Variants in CDH13 observed in about 807,000 individuals in gnomAD.
CDH13 encodes cadherin-13.
Under a neutral mutation model 63.8 loss-of-function variants are expected in CDH13, and 24 were observed. The ratio of observed to expected loss-of-function variants is 0.38; its 90% CI spans 0.27 to 0.53. CDH13 has a LOEUF of 0.53. Ranked by LOEUF, CDH13 falls within the 20% of genes least tolerant of loss-of-function variation. The pLI, the probability that CDH13 is intolerant of heterozygous loss-of-function variation, is 0.85. For synonymous variants in CDH13, 503 were observed against 355.3 expected (o/e 1.42, Z -4.67); for missense variants, 1,049 against 903.1 (o/e 1.16, Z -2.07).
intron 4 of CDH13, among the ~76,000 whole-genome samples, chr16:83,210,574 C>T (rs140321389): frequency 6.6e-6 from 1 of 151,980 alleles, no homozygotes; most frequent in East Asian, 1.9e-4. Flanking sequence ...GTTCTAGGCT[C>T]TGAGGACAAA....
At chr16:83,750,608 A>C (rs148186096) in intron 11 of CDH13, among the ~76,000 whole-genome samples, 1 of 152,152 alleles carries the variant, frequency 6.6e-6, no homozygotes, top group African/African-American at 2.4e-5. Context: ...TGTCTTCCTC[A>C]AAGGGGGAAT....
chr16:83,329,006 G>C (rs1246477839), intron 5 of CDH13, among the ~76,000 whole-genome samples: 1 of 152,146 alleles, frequency 6.6e-6, no homozygotes, highest in African/African-American at 2.4e-5. Flanking sequence ...CCTAACCAGG[G>C]ATAGTCTCTA....
intron 8 of CDH13, among the ~76,000 whole-genome samples, chr16:83,627,297 G>GA (rs966459142): frequency 2.0e-5 from 3 of 150,916 alleles, no homozygotes; most frequent in African/African-American, 4.9e-5. Context: ...CTCCGGGGAA[G>GA]AAAAAAAAAG....
intron 8 of CDH13, among the ~76,000 whole-genome samples, chr16:83,624,650 T>C (rs1910119444): frequency 6.6e-6 from 1 of 152,088 alleles, no homozygotes; most frequent in South Asian, 2.1e-4. Flanking sequence ...GCTGCCTGGT[T>C]CCTAATAGGC....
At chr16:82,830,148 G>A (rs1218722953) in intron 1 of CDH13, among the ~76,000 whole-genome samples, 1 of 152,076 alleles carries the variant, frequency 6.6e-6, no homozygotes, top group African/African-American at 2.4e-5. Flanking sequence ...GGCAGGGCTG[G>A]GATCCATAGC....
At chr16:83,329,752 T>G (rs1355314647) in intron 5 of CDH13, among the ~76,000 whole-genome samples, 1 of 152,228 alleles carries the variant, frequency 6.6e-6, no homozygotes, top group Non-Finnish European at 1.5e-5. Flanking sequence ...TTTAGAGAGC[T>G]CATATAAGTG....
intron 10 of CDH13, among the ~76,000 whole-genome samples, chr16:83,722,612 T>A (rs1567550386): frequency 6.6e-6 from 1 of 152,164 alleles, no homozygotes; most frequent in Non-Finnish European, 1.5e-5. Context: ...CAGAGGTAAG[T>A]GAAATCAAAT....
chr16:83,731,269 A>G (rs1911014354), intron 10 of CDH13, among the ~76,000 whole-genome samples: 1 of 152,240 alleles, frequency 6.6e-6, no homozygotes, highest in Non-Finnish European at 1.5e-5. Context: ...GAACTGATTT[A>G]CATTCGCACC....
At chr16:82,688,981 AG>A (rs1476771407) in intron 1 of CDH13, 1 of 152,202 alleles carries the variant, frequency 6.6e-6, no homozygotes, top group Non-Finnish European at 1.5e-5. Context: ...ACGGAGAACC[AG>A]GGCACCTGGA....
At chr16:83,566,494 A>G (rs1365050188) in intron 7 of CDH13, among the ~76,000 whole-genome samples, 1 of 146,140 alleles carries the variant, frequency 6.8e-6, no homozygotes, top group East Asian at 2.1e-4. Flanking sequence ...TGGCTCTCAA[A>G]GGCAGAGCCC....
intron 1 of CDH13, among the ~76,000 whole-genome samples, chr16:82,850,060 C>T (rs879452388): frequency 1.1e-4 from 16 of 152,120 alleles, no homozygotes; most frequent in Non-Finnish European, 1.9e-4. Flanking sequence ...GCCCGTGAAT[C>T]CAGAAGAAAT....
intron 1 of CDH13, among the ~76,000 whole-genome samples, chr16:82,775,387 G>T (rs371949256): frequency 2.1e-4 from 32 of 152,292 alleles, no homozygotes; most frequent in African/African-American, 7.0e-4. Flanking sequence ...TATGAGCATG[G>T]GGAAGTTATT....
chr16:83,040,650 C>G (rs964441323), intron 3 of CDH13, among the ~76,000 whole-genome samples: 2 of 152,164 alleles, frequency 1.3e-5, no homozygotes, highest in African/African-American at 4.8e-5. Context: ...GGTGGGTCTG[C>G]CTCTCCCAGT....
At position 83,017,862 on chromosome 16, in the gene CDH13, C is replaced by T. The variant is rs1914956253; in HGVS notation, c.158-14148C>T. On this transcript the variant is annotated intron_variant, in intron 2 of 13. Transcript: ENST00000567109. ...ACTAACATAAATGATGTCCTGCTAG[C>T]ATCTGCAGCTGGGTCATAAACCAAA... Among the ~76,000 whole-genome samples the T allele has an allele frequency of 2.0e-5, 3 of 152,298 alleles. No individual in the cohort carries two copies. The South Asian group carries it at 6.2e-4, about 32-fold the overall frequency.
intron 7 of CDH13, among the ~76,000 whole-genome samples, chr16:83,520,332 G>A (rs1041250429): frequency 3.1e-4 from 47 of 152,154 alleles, no homozygotes; most frequent in Non-Finnish European, 1.5e-4. Context: ...AGGATTTATG[G>A]TGATAGAGAT....
chr16:83,374,857 G>A (rs974697982), intron 6 of CDH13, among the ~76,000 whole-genome samples: 8 of 152,162 alleles, frequency 5.3e-5, no homozygotes, highest in Non-Finnish European at 8.8e-5. Context: ...CCTGCTGCAA[G>A]CCAGCCAGAT....
intron 7 of CDH13, among the ~76,000 whole-genome samples, chr16:83,490,977 G>A (rs2074000809): frequency 6.6e-6 from 1 of 152,202 alleles, no homozygotes; most frequent in South Asian, 2.1e-4. Context: ...ATAGGCACTG[G>A]ATAAAGATCT....
chr16:83,102,509 C>T (rs1306157134), intron 3 of CDH13, among the ~76,000 whole-genome samples: 1 of 152,092 alleles, frequency 6.6e-6, no homozygotes, highest in Non-Finnish European at 1.5e-5. Flanking sequence ...GTGCAGATGA[C>T]ATGAGATTAC....
intron 3 of CDH13, among the ~76,000 whole-genome samples, chr16:83,123,706 C>A (rs1040124375): frequency 2.0e-5 from 3 of 152,090 alleles, no homozygotes; most frequent in African/African-American, 7.2e-5. Context: ...ATTCCTTTTC[C>A]TTTGTGTATA....
Sources: allele counts gnomAD v4.1 joint callset (sites outside exome capture counted in the v4.1 genomes callset), GRCh38; gene constraint gnomAD v4.1.1; transcripts MANE v1.5; gene names NCBI Gene and HGNC (gene_info 2026-07-23, HGNC 2026-07-21).